BMP1: variants seen among roughly 807,000 people sequenced by gnomAD.
The protein encoded by BMP1 is bone morphogenetic protein 1, also known as mammalian tolloid protein.
A neutral mutation model predicts 116.8 loss-of-function variants in BMP1; 63 were observed. The observed-to-expected ratio is 0.54, with a 90% CI of 0.44 to 0.67. The LOEUF is 0.67. BMP1 is among the 30% of genes least tolerant of loss of function. The pLI, the probability that BMP1 is intolerant of heterozygous loss-of-function variation, is 0.00. For synonymous variants in BMP1, 536 were observed against 533.4 expected (o/e 1.00, Z -0.07); for missense variants, 1,183 against 1,358.9 (o/e 0.87, Z 2.04).
chr8:22,185,180 G>A lies in BMP1; in HGVS notation c.1077+4697G>A, dbSNP rs149862913. Among the ~76,000 whole-genome samples the A allele has an allele frequency of 4.4e-3, 672 of 152,256 alleles. 5 individuals carry two copies. The highest frequency in any genetic ancestry group is 0.015 in the African/African-American group (633 of 41,550). On this transcript the variant is annotated intron_variant, in intron 8 of 19. Coordinates refer to ENST00000306385, the MANE Select transcript of BMP1 (RefSeq NM_006129.5). The stretch of plus-strand genomic sequence containing the variant: ...TTTAAGAAGGGAATCAGCCGGGTGC[G>A]GTGACTCATGCCTGTAATCCCAGCA...
At position 22,201,928 on chromosome 8, in the gene BMP1, G is replaced by T; in HGVS notation, c.2233G>T (p.Ala745Ser). 3 of 1,610,868 alleles carry T rather than the reference G, an allele frequency of 1.9e-6. No homozygotes were observed. The highest frequency in any genetic ancestry group is 1.7e-6 in the Non-Finnish European group (2 of 1,178,184). ...TGACAACAAGCACGACTGCAAAGAA[G>T]GTACGGGCTGCATGCCAGGGGCATC... Reference protein sequence around the residue: ...LHDNKHDCKEAGCDHKVTSTS... With the variant: ...LHDNKHDCKESGCDHKVTSTS... The change falls in exon 16 of 20, where the codon GCC becomes TCC. Residue 745 changes from alanine (A) to serine (S), a missense_variant and splice_region_variant. Physicochemically the swap from Ala to Ser is moderately conservative, Grantham distance 99. Coordinates refer to ENST00000306385, the MANE Select transcript of BMP1 (RefSeq NM_006129.5).
At chr8:22,169,184 GAA>G (rs5890026) in intron 1 of BMP1, among the ~76,000 whole-genome samples, 9,337 of 126,822 alleles carry the variant, frequency 0.074, 412 homozygotes, top group East Asian at 0.14. Context: ...AAGACTCTGT[GAA>G]AAAAAAAAAA....
At chr8:22,191,838 C>G (rs1479943404) in intron 8 of BMP1, among the ~76,000 whole-genome samples, 1 of 152,232 alleles carries the variant, frequency 6.6e-6, no homozygotes, top group African/African-American at 2.4e-5. Context: ...CGTCTCCTTC[C>G]CCTCCTGGGC....
chr8:22,191,445 AATG>A (rs1372144490), intron 8 of BMP1, among the ~76,000 whole-genome samples: 1 of 152,078 alleles, frequency 6.6e-6, no homozygotes, highest in African/African-American at 2.4e-5. Context: ...GTACTCAATA[AATG>A]ATGATGGGGC....
chr8:22,209,835 G>A, intron 19 of BMP1, 140 bp downstream of exon 19: 1 of 952,386 alleles, frequency 1.0e-6, no homozygotes, highest in Non-Finnish European at 1.5e-6. Context: ...GCCCTGTGTG[G>A]GAGCCCAGAA....
In BMP1 at chr8:22,201,128, A is replaced by G; in HGVS notation, c.2108-675A>G. ...TCTCTCTCGTTTCAGAAAAGAGGCC[A>G]GCTCTGCAGCCCCCTCGGGGACGCC... On this transcript the variant is annotated intron_variant, in intron 15 of 19. Coordinates refer to ENST00000306385, the MANE Select transcript of BMP1 (RefSeq NM_006129.5). 3.3e-6 allele frequency: 5 copies of G among 1,538,076 alleles called. No homozygotes were observed. Among genetic ancestry groups the G allele is most frequent in the Non-Finnish European group, 4.4e-6 (5 of 1,138,146 alleles).
At chr8:22,185,449 C>T (rs1223657944) in intron 8 of BMP1, among the ~76,000 whole-genome samples, 1 of 151,032 alleles carries the variant, frequency 6.6e-6, no homozygotes, top group Non-Finnish European at 1.5e-5. Context: ...GAGTAAGACT[C>T]AGTCTCAAAA....
At chr8:22,210,006 C>T (rs1427835360) in intron 19 of BMP1, among the ~76,000 whole-genome samples, 1 of 152,266 alleles carries the variant, frequency 6.6e-6, no homozygotes, top group Non-Finnish European at 1.5e-5. Context: ...TCTGTCCCTC[C>T]TTTCCTTACC....
rs184969514 is a variant in BMP1, at chr8:22,205,680, C to T, written c.2234-1174C>T. Among the ~76,000 whole-genome samples, 16 of 152,196 alleles carry T rather than the reference C, an allele frequency of 1.1e-4. No individual in the cohort carries two copies. The East Asian group carries it at 2.5e-3, about 24-fold the overall frequency. Reference sequence around the variant, plus strand: ...GTCCCAGCTACTTGGGAGGCTGAGGCGGGAGGATCAATTGAGCCTAGGAGC... The same window carrying T: ...GTCCCAGCTACTTGGGAGGCTGAGGTGGGAGGATCAATTGAGCCTAGGAGC... On this transcript the variant is annotated intron_variant, in intron 16 of 19. Transcript: ENST00000306385.
Position 22,194,991 on chromosome 8 carries a change from A to G in BMP1, c.1639+72A>G. 2 of 1,461,898 alleles carry G rather than the reference A, an allele frequency of 1.4e-6. No individual in the cohort carries two copies. Among genetic ancestry groups the G allele is most frequent in the Non-Finnish European group, 1.9e-6 (2 of 1,075,176 alleles). The allele number at this position is 1,461,898 out of a possible 1,614,324, so 90.6% of individuals were successfully genotyped here. On this transcript the variant is annotated intron_variant, in intron 12 of 19. Coordinates refer to ENST00000306385, the MANE Select transcript of BMP1 (RefSeq NM_006129.5). The surrounding 1 kb of genome is among the most constrained non-coding windows in gnomAD (Gnocchi z 4.5). ...TCATCCCTTCTTCACTCACTCATTC[A>G]ACACGGAGACTCCAGGAGGCATATT...
rs375600190 is a variant in BMP1, at chr8:22,176,670, C to A, written c.551+20C>A. 8 of 1,611,008 alleles carry A rather than the reference C, an allele frequency of 5.0e-6. No homozygotes were observed. The African/African-American group carries it at 1.1e-4, about 22-fold the overall frequency. On this transcript the variant is annotated intron_variant, in intron 4 of 19. Coordinates refer to ENST00000306385, the MANE Select transcript of BMP1 (RefSeq NM_006129.5). ...TTGCGGGTGAGCAGGAAGCCCTAGGCGCTGTACCTTCCGCCATTGCCCCAA... is the reference window on the plus strand; with the variant it reads ...TTGCGGGTGAGCAGGAAGCCCTAGGAGCTGTACCTTCCGCCATTGCCCCAA...
chr8:22,179,738 T>C lies in BMP1; in HGVS notation c.870T>C (p.Tyr290=), dbSNP rs749280909. 5.6e-6 allele frequency: 9 copies of C among 1,614,132 alleles called. No individual in the cohort carries two copies. The highest frequency in any genetic ancestry group is 7.6e-6 in the Non-Finnish European group (9 of 1,179,984). Residue 290 remains tyrosine (Y), a synonymous_variant, in exon 7 of 20, where the codon TAT becomes TAC. Coordinates refer to ENST00000306385, the MANE Select transcript of BMP1 (RefSeq NM_006129.5). This position sits in a 1 kb window ranked among gnomAD's most constrained non-coding sequence, Gnocchi z 4.6. ...TCCTGGATACCATTGTCCCCAAGTA[T>C]GAGGTGAACGGGGTGAAACCTCCCA... is the stretch of plus-strand genomic sequence containing the variant. ...GIFLDTIVPK[Y]EVNGVKPPIG... is the part of the protein sequence containing the mutation.
Position 22,209,669 on chromosome 8 carries a change from A to C in BMP1, c.2800A>C (p.Arg934=). Residue 934 remains arginine, a synonymous_variant, in exon 19 of 20, where the codon AGG becomes CGG. Transcript: ENST00000306385. ...CGACGGCTACGACAGCACAGCCCCCAGGCTGGGGCGCTACTGTGGCTCAGG... is the reference window on the plus strand; with the variant it reads ...CGACGGCTACGACAGCACAGCCCCCCGGCTGGGGCGCTACTGTGGCTCAGG... ...LFDGYDSTAP[R]LGRYCGSGPP... The C allele has an allele frequency of 6.2e-7, 1 of 1,613,998 alleles. No individual in the cohort carries two copies. Among genetic ancestry groups the C allele is most frequent in the Non-Finnish European group, 8.5e-7 (1 of 1,179,972 alleles).
chr8:22,177,126 G>A lies in BMP1; in HGVS notation c.717G>A (p.Glu239=), dbSNP rs149856199. Residue 239 remains glutamate, a synonymous_variant, in exon 5 of 20, where the codon GAG becomes GAA. Transcript: ENST00000306385. The part of the protein sequence containing the change: ...DRDRHVSIVR[E]NIQPGQEYNF... ...ACCGCCACGTTTCCATCGTTCGTGA[G>A]AACATCCAGCCAGGTAGGTACCTGC... 54 of 1,607,282 alleles carry A rather than the reference G, an allele frequency of 3.4e-5. No homozygotes were observed. In the African/African-American group the frequency reaches 4.7e-4, roughly 14 times the overall value.
At chr8:22,166,208 G>A (rs1239302438) in intron 1 of BMP1, among the ~76,000 whole-genome samples, 1 of 152,064 alleles carries the variant, frequency 6.6e-6, no homozygotes, top group Non-Finnish European at 1.5e-5. Context: ...CCCAGAAGGG[G>A]GACTTAACTT....
intron 15 of BMP1, chr8:22,198,796 C>A: frequency 2.8e-6 from 1 of 362,798 alleles, no homozygotes; most frequent in Non-Finnish European, 4.2e-6. Context: ...CACTGCCAGC[C>A]ACCCTGCTCT....
Position 22,207,422 on chromosome 8 carries a change from C to T in BMP1, c.2481C>T (p.Pro827=), listed in dbSNP as rs1405008494. The change falls in exon 18 of 20, where the codon CCC becomes CCT. Residue 827 remains proline (P), a synonymous_variant. Transcript: ENST00000306385. ...GCCGCTTCTGTGGGAGCAAGAAGCC[C>T]GAGCCCGTCCTGGCCACAGGCAGCC... ...VLGRFCGSKK[P]EPVLATGSRM... The T allele has an allele frequency of 5.6e-6, 9 of 1,614,078 alleles. No individual in the cohort carries two copies. Among genetic ancestry groups the T allele is most frequent in the East Asian group, 2.2e-5 (1 of 44,884 alleles).
chr8:22,197,736 G>A (rs1279378576), intron 15 of BMP1, among the ~76,000 whole-genome samples: 1 of 152,236 alleles, frequency 6.6e-6, no homozygotes, highest in Non-Finnish European at 1.5e-5. Flanking sequence ...AGGCCTGGGA[G>A]AGGGCAGGTC....
intron 15 of BMP1, among the ~76,000 whole-genome samples, chr8:22,200,679 C>T (rs1464108446): frequency 6.6e-6 from 1 of 152,122 alleles, no homozygotes; most frequent in African/African-American, 2.4e-5. Flanking sequence ...TGCACTGGGT[C>T]TGCAGGTGTA....
Sources: allele counts gnomAD v4.1 joint callset (sites outside exome capture counted in the v4.1 genomes callset), GRCh38; gene constraint gnomAD v4.1.1; non-coding constraint Gnocchi (gnomAD v3.1); transcripts MANE v1.5; gene names NCBI Gene and HGNC (gene_info 2026-07-23, HGNC 2026-07-21).